Variants in DUSP13B observed in about 807,000 individuals in gnomAD.
DUSP13B encodes the protein dual specificity phosphatase 13B.
chr10:75,095,022 A>G, the DUSP13B span: 1 of 764,570 alleles, frequency 1.3e-6, no homozygotes, highest in East Asian at 2.7e-5. Flanking sequence ...CTGAAGCCCA[A>G]AGAGAGGAGG....
chr10:75,099,762 C>A, the DUSP13B span: 1 of 226,672 alleles, frequency 4.4e-6, no homozygotes, highest in Non-Finnish European at 8.4e-6. Context: ...GGGAGGAGAG[C>A]CTGGCTCCCC....
At chr10:75,094,826 G>C in the DUSP13B span, 2 of 1,614,216 alleles carry the variant, frequency 1.2e-6, no homozygotes, top group Non-Finnish European at 1.7e-6. Context: ...GGAAGGCCAG[G>C]ACAAGTGTGG....
At chr10:75,107,920 G>T in the DUSP13B span, 2 of 1,486,966 alleles carry the variant, frequency 1.3e-6, no homozygotes, top group South Asian at 2.6e-5. Flanking sequence ...GGGCACTGAT[G>T]ACTGAGAGGA....
At chr10:75,100,653 G>T in the DUSP13B span, among the ~76,000 whole-genome samples, 1 of 152,158 alleles carries the variant, frequency 6.6e-6, no homozygotes, top group Non-Finnish European at 1.5e-5. Flanking sequence ...TTCTCTCCCT[G>T]ATCCCGTGCT....
the DUSP13B span, chr10:75,108,106 C>T: frequency 3.0e-5 from 48 of 1,613,726 alleles, no homozygotes; most frequent in Non-Finnish European, 3.4e-5. Context: ...ACACTGCTGC[C>T]GTAGAAGTCA....
the DUSP13B span, chr10:75,099,117 G>A: frequency 2.4e-6 from 3 of 1,232,356 alleles, no homozygotes; most frequent in East Asian, 9.5e-5. Flanking sequence ...AGGAGTCAGG[G>A]ACCCTGCGGA....
chr10:75,099,736 G>T, the DUSP13B span: 1 of 272,608 alleles, frequency 3.7e-6, no homozygotes, highest in Non-Finnish European at 6.6e-6. Context: ...GAGGTGGGAA[G>T]AGAACTTCTG....
chr10:75,097,958 A>G, the DUSP13B span: 337,220 of 1,400,762 alleles, frequency 0.24, 44,296 homozygotes, highest in East Asian at 0.58. Flanking sequence ...GGGGAAGCCC[A>G]TGGTGCAGTG....
chr10:75,099,301 C>T, the DUSP13B span: 3 of 1,232,350 alleles, frequency 2.4e-6, no homozygotes, highest in Non-Finnish European at 3.0e-6. Flanking sequence ...AACAGGCACC[C>T]AGGAGGCTGC....
At chr10:75,108,347 T>G in the DUSP13B span, 1 of 1,427,162 alleles carries the variant, frequency 7.0e-7, no homozygotes, top group East Asian at 2.5e-5. Flanking sequence ...CCAAGTGGGG[T>G]CTGACTCCAC....
the DUSP13B span, among the ~76,000 whole-genome samples, chr10:75,107,589 CG>C: frequency 3.3e-5 from 5 of 150,402 alleles, no homozygotes; most frequent in South Asian, 2.1e-4. Context: ...TTTTTTTTGG[CG>C]GGGGGGGATG....
At chr10:75,108,806 C>T in the DUSP13B span, among the ~76,000 whole-genome samples, 3 of 152,158 alleles carry the variant, frequency 2.0e-5, no homozygotes, top group African/African-American at 4.8e-5. Flanking sequence ...TTCAGGCAGG[C>T]GAAGTCCCTG....
chr10:75,105,716 G>A, the DUSP13B span: 1 of 1,553,668 alleles, frequency 6.4e-7, no homozygotes. Context: ...CTGCAGAGCT[G>A]GTGCAGGAAG....
At chr10:75,102,330 C>A in the DUSP13B span, among the ~76,000 whole-genome samples, 3 of 152,152 alleles carry the variant, frequency 2.0e-5, no homozygotes, top group Admixed American at 2.0e-4. Context: ...GTAGTCCCAG[C>A]TACTCAGGAG....
chr10:75,108,296 C>A, the DUSP13B span: 1 of 1,498,112 alleles, frequency 6.7e-7, no homozygotes, highest in South Asian at 1.3e-5. Flanking sequence ...GCAGAGGGAC[C>A]GAGCCATTAG....
the DUSP13B span, chr10:75,109,120 TC>T: frequency 6.2e-7 from 1 of 1,610,382 alleles, no homozygotes; most frequent in Non-Finnish European, 8.5e-7. Context: ...CGTGGCTTTG[TC>T]CTCTCCCCCC....
At chr10:75,097,668 C>T in the DUSP13B span, 1 of 1,498,948 alleles carries the variant, frequency 6.7e-7, no homozygotes, top group Admixed American at 2.0e-5. Context: ...GTGTGAACCT[C>T]ACACCCTTCC....
the DUSP13B span, among the ~76,000 whole-genome samples, chr10:75,096,635 G>C: frequency 6.6e-6 from 1 of 151,752 alleles, no homozygotes; most frequent in East Asian, 1.9e-4. Context: ...TGTATTCCCA[G>C]CTACTTGAGA....
the DUSP13B span, among the ~76,000 whole-genome samples, chr10:75,100,052 GGGGCTTTGGGAAGTGGGACAGGCTCC>G: frequency 1.3e-5 from 2 of 152,090 alleles, no homozygotes; most frequent in Non-Finnish European, 2.9e-5. Flanking sequence ...GGCAGGAGAT[GGGGCTTTGGGAAGTGGGACAGGCTCC>G]GGGCTCAGGC....
Sources: allele counts gnomAD v4.1 joint callset (sites outside exome capture counted in the v4.1 genomes callset), GRCh38; gene constraint gnomAD v4.1.1; transcripts MANE v1.5; gene names NCBI Gene and HGNC (gene_info 2026-07-23, HGNC 2026-07-21).